GRXCR1: variants seen among roughly 807,000 people sequenced by gnomAD.
The protein encoded by GRXCR1 is glutaredoxin and cysteine rich domain containing 1, also known as glutaredoxin domain-containing cysteine-rich protein 1.
GRXCR1 carries 27 observed loss-of-function variants against 27.3 expected under a neutral mutation model. The observed-to-expected ratio is 0.99, with a 90% CI of 0.73 to 1.37. The LOEUF is 1.37. GRXCR1 is among the 40% of genes most tolerant of loss of function. The probability of loss-of-function intolerance (pLI) is 0.00; values close to 1 mark genes in which losing one functional copy is unlikely to be tolerated. For synonymous variants in GRXCR1, 122 were observed against 131.1 expected, an observed-to-expected ratio of 0.93 and a Z score of 0.47; for missense variants, 379 against 354.4, an observed-to-expected ratio of 1.07 and a Z score of -0.56.
chr4:42,905,483 G>A (rs962742512), intron 1 of GRXCR1, among the ~76,000 whole-genome samples: 1 of 152,182 alleles, frequency 6.6e-6, no homozygotes, highest in East Asian at 1.9e-4. Flanking sequence ...GGCTGAAATT[G>A]TGCAGACATT....
At chr4:43,006,490 T>C (rs1307638791) in intron 2 of GRXCR1, among the ~76,000 whole-genome samples, 1 of 152,168 alleles carries the variant, frequency 6.6e-6, no homozygotes, top group Non-Finnish European at 1.5e-5. Flanking sequence ...TGCATCTGTC[T>C]CTTATGGTCG....
intron 1 of GRXCR1, among the ~76,000 whole-genome samples, chr4:42,932,664 A>AGAGAGAGG (rs1553939857): frequency 6.5e-5 from 7 of 107,920 alleles, no homozygotes; most frequent in African/African-American, 2.5e-4. Flanking sequence ...AGAGAGAGAG[A>AGAGAGAGG]GGCAATCTGT....
chr4:42,893,792 C>T (rs1298114845), intron 1 of GRXCR1, 142 bp downstream of exon 1: 1 of 847,084 alleles, frequency 1.2e-6, no homozygotes. Context: ...AAGATACTGT[C>T]CTAACAGCTA....
intron 3 of GRXCR1, among the ~76,000 whole-genome samples, chr4:43,023,524 C>G (rs969899794): frequency 6.6e-6 from 1 of 152,082 alleles, no homozygotes; most frequent in Admixed American, 6.5e-5. Flanking sequence ...AGGAGCTGGC[C>G]AAAGGCAGCA....
chr4:42,934,995 T>C (rs1164407640), intron 1 of GRXCR1, among the ~76,000 whole-genome samples: 1 of 151,986 alleles, frequency 6.6e-6, no homozygotes, highest in African/African-American at 2.4e-5. Flanking sequence ...CCATAACTCT[T>C]GGCTTCTGGT....
rs116079582 is a variant in GRXCR1, at chr4:42,935,045, A to G, written c.385-27847A>G. On this transcript the variant is annotated intron_variant, in intron 1 of 3. Coordinates refer to ENST00000399770, the MANE Select transcript of GRXCR1 (RefSeq NM_001080476.3). ...TCTTTAAAAAGTTCCTTGAATAACC[A>G]GATTATTTTGGAATGCCTGAAACTC... Among the ~76,000 whole-genome samples the G allele has an allele frequency of 5.4e-3, 814 of 152,094 alleles. 6 individuals carry two copies. The highest frequency in any genetic ancestry group is 0.019 in the African/African-American group (788 of 41,544).
intron 2 of GRXCR1, among the ~76,000 whole-genome samples, chr4:43,015,129 A>G (rs1013486298): frequency 1.3e-5 from 2 of 152,160 alleles, no homozygotes; most frequent in Non-Finnish European, 2.9e-5. Context: ...TCATGCAAGG[A>G]CCTAGGATGT....
At chr4:42,949,681 G>C (rs1215000266) in intron 1 of GRXCR1, among the ~76,000 whole-genome samples, 1 of 152,082 alleles carries the variant, frequency 6.6e-6, no homozygotes, top group East Asian at 1.9e-4. Context: ...CACCAACCAA[G>C]CTTTCATAAA....
intron 2 of GRXCR1, among the ~76,000 whole-genome samples, chr4:43,018,614 G>A (rs1279888659): frequency 6.6e-6 from 1 of 152,138 alleles, no homozygotes; most frequent in Non-Finnish European, 1.5e-5. Flanking sequence ...TAGGAGATGT[G>A]TGATAGCTTT....
chr4:42,893,654 A>G lies in GRXCR1; in HGVS notation c.384+4A>G. The G allele has an allele frequency of 6.2e-7, 1 of 1,612,158 alleles. No individual in the cohort carries two copies. Among genetic ancestry groups the G allele is most frequent in the African/African-American group, 1.3e-5 (1 of 74,998 alleles). ...CAATTTGACCAAAGTATTACAGGTA[A>G]GTCATTGCTGTTTCCTTCTCCTGCT... On this transcript the variant is annotated splice_donor_region_variant and intron_variant, in intron 1 of 3. Transcript: ENST00000399770.
intron 1 of GRXCR1, among the ~76,000 whole-genome samples, chr4:42,956,578 G>T: frequency 6.6e-6 from 1 of 151,896 alleles, no homozygotes; most frequent in Non-Finnish European, 1.5e-5. Flanking sequence ...TACAAAAATT[G>T]TACAGTAAAA....
intron 1 of GRXCR1, among the ~76,000 whole-genome samples, chr4:42,956,188 A>C (rs1172782142): frequency 8.5e-5 from 13 of 152,094 alleles, no homozygotes; most frequent in Admixed American, 8.5e-4. Context: ...GGCATCCCTA[A>C]GATTCATCTT....
chr4:42,986,995 T>C (rs1345271970), intron 2 of GRXCR1, among the ~76,000 whole-genome samples: 1 of 123,318 alleles, frequency 8.1e-6, no homozygotes, highest in Non-Finnish European at 1.6e-5. Context: ...ATTTAAGAGA[T>C]ATGTGTATGT....
chr4:42,967,983 T>C (rs1748286403), intron 2 of GRXCR1, among the ~76,000 whole-genome samples: 1 of 152,158 alleles, frequency 6.6e-6, no homozygotes, highest in African/African-American at 2.4e-5. Flanking sequence ...TTTAATTCTT[T>C]CAGATAGTTA....
Position 43,000,226 on chromosome 4 carries a change from T to A in GRXCR1, c.628-20128T>A, listed in dbSNP as rs190338842. Among the ~76,000 whole-genome samples the A allele has an allele frequency of 4.4e-3, 664 of 152,204 alleles. 2 individuals carry two copies. Among genetic ancestry groups the A allele is most frequent in the South Asian group, 4.6e-3 (22 of 4,822 alleles). ...TGGGCACTGTGGCTCACACCTGTAA[T>A]CCCAGCACTTTGGGAGGCCGAGGCA... On this transcript the variant is annotated intron_variant, in intron 2 of 3. Coordinates refer to ENST00000399770, the MANE Select transcript of GRXCR1 (RefSeq NM_001080476.3).
chr4:42,932,723 G>T (rs1233778885), intron 1 of GRXCR1, among the ~76,000 whole-genome samples: 1 of 145,102 alleles, frequency 6.9e-6, no homozygotes, highest in Admixed American at 6.9e-5. Flanking sequence ...AAGCCTCTCT[G>T]TCCCAGAGAG....
At chr4:43,008,986 A>G (rs10022046) in intron 2 of GRXCR1, among the ~76,000 whole-genome samples, 1,918 of 152,294 alleles carry the variant, frequency 0.013, 46 homozygotes, top group African/African-American at 0.044. Context: ...TGCACCTCTT[A>G]TGACATTTTC....
intron 1 of GRXCR1, among the ~76,000 whole-genome samples, chr4:42,906,968 C>T (rs913679438): frequency 6.6e-6 from 1 of 152,050 alleles, no homozygotes; most frequent in Admixed American, 6.6e-5. Flanking sequence ...AGATCTCCTT[C>T]GTGTTAAATT....
rs181765262 is a variant in GRXCR1 at position 42,980,410 on chromosome 4, A to C, written c.627+17276A>C. Among the ~76,000 whole-genome samples the C allele has an allele frequency of 3.1e-3, 473 of 152,060 alleles. 6 individuals carry two copies. Among genetic ancestry groups the C allele is most frequent in the African/African-American group, 0.011 (446 of 41,540 alleles). On this transcript the variant is annotated intron_variant, in intron 2 of 3. Transcript: ENST00000399770. ...TTCTTCATTCAACCGTTGATTTTTC[A>C]GGAATAATTTTTTAATTTTCCTGTT... is the stretch of plus-strand genomic sequence containing the variant.
Sources: allele counts gnomAD v4.1 joint callset (sites outside exome capture counted in the v4.1 genomes callset), GRCh38; gene constraint gnomAD v4.1.1; transcripts MANE v1.5; gene names NCBI Gene and HGNC (gene_info 2026-07-23, HGNC 2026-07-21).